The following CDC42BPB variants were observed in gnomAD, a reference collection of about 807,000 sequenced individuals.
CDC42BPB encodes serine/threonine-protein kinase MRCK beta.
In CDC42BPB, 37 loss-of-function variants were observed where a neutral mutation model predicts 214.9. That is an observed-to-expected ratio of 0.17 (90% CI 0.13 to 0.23). The LOEUF is 0.23. Among genes scored for constraint, CDC42BPB ranks in the 10% least tolerant of loss-of-function variants. CDC42BPB has a pLI of 1.00. For synonymous variants in CDC42BPB, 931 were observed against 884.0 expected, an observed-to-expected ratio of 1.05 and a Z score of -0.94; for missense variants, 1,694 against 2,227.0, an observed-to-expected ratio of 0.76 and a Z score of 4.82.
At position 102,954,194 on chromosome 14, in the gene CDC42BPB, C is replaced by T; in HGVS notation, c.3066+4G>A. The T allele has an allele frequency of 1.3e-6, 2 of 1,546,016 alleles. No homozygotes were observed. The highest frequency in any genetic ancestry group is 8.7e-7 in the Non-Finnish European group (1 of 1,143,040). ...GGCGCCCCGGGTGAAAGCAAGGCCC[C>T]TACCTTCGGTCCAGCCAGAGCCAGG... is the stretch of plus-strand genomic sequence containing the variant. On this transcript the variant is annotated splice_donor_region_variant and intron_variant, in intron 23 of 36. Coordinates refer to ENST00000361246, the MANE Select transcript of CDC42BPB (RefSeq NM_006035.4).
chr14:103,017,389 T>C (rs759142406), intron 1 of CDC42BPB, among the ~76,000 whole-genome samples: 13 of 151,960 alleles, frequency 8.6e-5, no homozygotes, highest in Non-Finnish European at 2.9e-5. Context: ...TTTAAAAATC[T>C]GATGAAAAAT....
rs537411782 is a variant in CDC42BPB at position 103,046,408 on chromosome 14, T to A, written c.175+10591A>T. 5.9e-5 allele frequency among the ~76,000 whole-genome samples: 9 copies of A among 152,184 alleles called. No homozygotes were observed. In the East Asian group the frequency reaches 1.7e-3, roughly 29 times the overall value. On this transcript the variant is annotated intron_variant, in intron 1 of 36. Coordinates refer to ENST00000361246, the MANE Select transcript of CDC42BPB (RefSeq NM_006035.4). ...AGGGAGTTTCCAATCGTCCCATTCA[T>A]AACCATGGAAAGACAGCCAGTAATC...
At chr14:102,953,787 C>T (rs36059933) in intron 23 of CDC42BPB, among the ~76,000 whole-genome samples, 115 of 152,268 alleles carry the variant, frequency 7.6e-4, no homozygotes, top group Middle Eastern at 6.8e-3. Flanking sequence ...ACTGCAGGGC[C>T]GTTTATGCTG....
chr14:102,940,902 G>A (rs935725586), intron 30 of CDC42BPB, among the ~76,000 whole-genome samples: 2 of 152,346 alleles, frequency 1.3e-5, no homozygotes, highest in African/African-American at 2.4e-5. Flanking sequence ...ATATGCAAGC[G>A]AGGCTAAGGG....
chr14:103,026,053 A>C (rs963239253), intron 1 of CDC42BPB, among the ~76,000 whole-genome samples: 1 of 152,158 alleles, frequency 6.6e-6, no homozygotes, highest in Non-Finnish European at 1.5e-5. Context: ...ATACAAAAAA[A>C]TTAACTCAAA....
At chr14:103,045,117 G>GA (rs1888220968) in intron 1 of CDC42BPB, among the ~76,000 whole-genome samples, 1 of 152,010 alleles carries the variant, frequency 6.6e-6, no homozygotes, top group Non-Finnish European at 1.5e-5. Context: ...GTGATAGACT[G>GA]AATTATTTTA....
intron 11 of CDC42BPB, 178 bp from the exon 12 acceptor site, chr14:102,974,327 T>C (rs527950175): frequency 1.2e-4 from 116 of 962,474 alleles, no homozygotes; most frequent in Non-Finnish European, 1.3e-4. Flanking sequence ...CACAGTGTCA[T>C]AGGCACAGCT....
chr14:102,976,921 G>A (rs1402302113), intron 9 of CDC42BPB, among the ~76,000 whole-genome samples: 1 of 152,208 alleles, frequency 6.6e-6, no homozygotes, highest in Non-Finnish European at 1.5e-5. Context: ...CTGGGGGCTG[G>A]TAAATCAATA....
chr14:102,946,109 T>A (rs1228950188), intron 28 of CDC42BPB, among the ~76,000 whole-genome samples: 2 of 152,084 alleles, frequency 1.3e-5, no homozygotes, highest in Non-Finnish European at 2.9e-5. Context: ...CCTGGGTTCA[T>A]GCTGTTCTCC....
In CDC42BPB at chr14:102,940,082, G is replaced by T. The variant is rs777601390; in HGVS notation, c.4555C>A (p.Pro1519Thr). 1.2e-6 allele frequency: 2 copies of T among 1,614,032 alleles called. No individual in the cohort carries two copies. Among genetic ancestry groups the T allele is most frequent in the Non-Finnish European group, 1.7e-6 (2 of 1,180,038 alleles). Residue 1519 changes from proline to threonine, a missense_variant, in exon 32 of 37, where the codon CCT (proline) becomes ACT (threonine). By Grantham distance (38) the Pro-to-Thr change is conservative. This residue lies in a region of CDC42BPB where 567 missense variants were observed against 790.3 expected (regional missense o/e 0.72). Coordinates refer to ENST00000361246, the MANE Select transcript of CDC42BPB (RefSeq NM_006035.4). ...EGTLNLLNCE[P>T]PRLIYFKSKF... ...CTCTTGAAGTAGATCAAGCGTGGAGGCTCGCAGTTGAGGAGGTTGAGGGTG... is the reference window on the plus strand; with the variant it reads ...CTCTTGAAGTAGATCAAGCGTGGAGTCTCGCAGTTGAGGAGGTTGAGGGTG...
At position 102,939,555 on chromosome 14, in the gene CDC42BPB, A is replaced by C. The variant is rs1336525719; in HGVS notation, c.4827+55T>G. 4.0e-6 allele frequency: 5 copies of C among 1,256,858 alleles called. No homozygotes were observed. In the African/African-American group the frequency reaches 5.9e-5, roughly 15 times the overall value. 77.9% of individuals were successfully genotyped at this position (1,256,858 alleles called of 1,614,324 possible). A position where few individuals can be genotyped will look rare whatever the true frequency, so the allele number is the denominator to read the frequency against. Reference sequence around the variant, plus strand: ...CAGTCTCAGCCAGCATGGCTGCCTGAGCGGGGAGGAGGAGATGGGGTGCCC... The same window carrying C: ...CAGTCTCAGCCAGCATGGCTGCCTGCGCGGGGAGGAGGAGATGGGGTGCCC... On this transcript the variant is annotated intron_variant, in intron 34 of 36. Transcript: ENST00000361246.
At chr14:103,023,001 TCTTTTCTTTTC>T (rs1308236624) in intron 1 of CDC42BPB, among the ~76,000 whole-genome samples, 15 of 150,698 alleles carry the variant, frequency 1.0e-4, no homozygotes, top group Admixed American at 8.6e-4. Context: ...CTATTTTTTT[TCTTTTCTTTTC>T]CTTTTCTTTT....
At chr14:102,965,905 C>T (rs565050262) in intron 18 of CDC42BPB, among the ~76,000 whole-genome samples, 2 of 152,114 alleles carry the variant, frequency 1.3e-5, no homozygotes, top group Admixed American at 6.6e-5. Flanking sequence ...TGCAGTAAGC[C>T]GAGATCACGC....
chr14:103,049,555 G>A (rs996061590), intron 1 of CDC42BPB, among the ~76,000 whole-genome samples: 8 of 152,348 alleles, frequency 5.3e-5, no homozygotes, highest in African/African-American at 1.7e-4. Context: ...AAGTTGGAGC[G>A]CGGAGCAAGC....
chr14:103,007,854 A>G (rs549357377), intron 3 of CDC42BPB, among the ~76,000 whole-genome samples: 3 of 152,306 alleles, frequency 2.0e-5, no homozygotes, highest in African/African-American at 7.2e-5. Context: ...AGGGGAAGAC[A>G]ACAGGGCGGG....
At chr14:103,053,886 G>C (rs1395999736) in intron 1 of CDC42BPB, among the ~76,000 whole-genome samples, 1 of 151,752 alleles carries the variant, frequency 6.6e-6, no homozygotes, top group Non-Finnish European at 1.5e-5. Flanking sequence ...TGTTGCCCAG[G>C]CTGGAGTGTA....
chr14:103,007,340 A>G (rs1056823490), intron 3 of CDC42BPB, among the ~76,000 whole-genome samples: 21 of 152,188 alleles, frequency 1.4e-4, no homozygotes, highest in African/African-American at 4.8e-4. Context: ...CGAGGAACCG[A>G]TAACACCCAC....
chr14:103,031,819 A>G (rs1000859696), intron 1 of CDC42BPB, among the ~76,000 whole-genome samples: 19 of 152,292 alleles, frequency 1.2e-4, no homozygotes, highest in Admixed American at 1.2e-3. Flanking sequence ...CAGAGACTAC[A>G]GCATCACTCA....
intron 21 of CDC42BPB, among the ~76,000 whole-genome samples, chr14:102,955,756 C>A (rs772209947): frequency 6.6e-6 from 1 of 152,232 alleles, no homozygotes; most frequent in Non-Finnish European, 1.5e-5. Flanking sequence ...AGTGTTAGCA[C>A]CAGCAAGCAG....
Sources: allele counts gnomAD v4.1 joint callset (sites outside exome capture counted in the v4.1 genomes callset), GRCh38; gene constraint gnomAD v4.1.1; regional missense constraint gnomAD v4.1.1; transcripts MANE v1.5; gene names NCBI Gene and HGNC (gene_info 2026-07-23, HGNC 2026-07-21).